The following WDR37 variants were observed in gnomAD, a reference collection of about 807,000 sequenced individuals.
WDR37 encodes WD repeat domain 37.
WDR37 carries 19 observed loss-of-function variants against 62.9 expected under a neutral mutation model. The observed-to-expected ratio is 0.30, with a 90% CI of 0.21 to 0.44. The LOEUF is 0.44. Among genes scored for constraint, WDR37 ranks in the 20% least tolerant of loss-of-function variants. The probability of loss-of-function intolerance (pLI) is 1.00; values close to 1 mark genes in which losing one functional copy is unlikely to be tolerated. For missense variants in WDR37, 474 were observed against 657.6 expected (o/e 0.72, Z 3.05); for synonymous variants, 250 against 260.9 (o/e 0.96, Z 0.40).
At chr10:1,067,285 A>G (rs1371080050) in intron 1 of WDR37, among the ~76,000 whole-genome samples, 1 of 152,230 alleles carries the variant, frequency 6.6e-6, no homozygotes, top group Non-Finnish European at 1.5e-5. Context: ...ACACCTTATA[A>G]AAAGGTCAGT....
intron 2 of WDR37, chr10:1,074,596 T>G: frequency 8.6e-7 from 1 of 1,160,348 alleles, no homozygotes; most frequent in Non-Finnish European, 1.2e-6. Context: ...GCCTTCCCCC[T>G]GCCGTGGGCG....
chr10:1,104,302 G>A (rs971991162), intron 10 of WDR37, among the ~76,000 whole-genome samples: 3 of 152,192 alleles, frequency 2.0e-5, no homozygotes, highest in Non-Finnish European at 4.4e-5. Context: ...GCTCCTTCTT[G>A]CGTCTGGAGT....
rs559894127 is a variant in WDR37, at chr10:1,081,742, G to C, written c.396+1266G>C. Among the ~76,000 whole-genome samples, 4 of 152,120 alleles carry C rather than the reference G, an allele frequency of 2.6e-5. No homozygotes were observed. The East Asian group carries it at 7.7e-4, about 29-fold the overall frequency. ...AAGCTTTTTCTTCATAATGAAGTGT[G>C]AAATTATGTTCTTCCTCATTTAATT... On this transcript the variant is annotated intron_variant, in intron 5 of 13. Coordinates refer to ENST00000263150, the MANE Select transcript of WDR37 (RefSeq NM_014023.4).
At chr10:1,060,594 C>T (rs1395943514) in intron 1 of WDR37, among the ~76,000 whole-genome samples, 5 of 152,102 alleles carry the variant, frequency 3.3e-5, no homozygotes, top group African/African-American at 4.8e-5. Flanking sequence ...TTTCTCTTTG[C>T]TTGTATTTAG....
At chr10:1,107,337 T>C (rs1248325224) in intron 11 of WDR37, among the ~76,000 whole-genome samples, 3 of 152,240 alleles carry the variant, frequency 2.0e-5, no homozygotes, top group African/African-American at 7.2e-5. Flanking sequence ...ACTGCCCTGC[T>C]GTTTCTCATG....
rs1212505216 is a variant in WDR37, at chr10:1,129,503, A to G, written c.*159A>G. On this transcript the variant is annotated 3_prime_UTR_variant, in exon 14 of 14. Transcript: ENST00000263150. ...ATAGTGCCCAGCTTGCATGAAATGT[A>G]CAGAGAAATGTGTGGTCGTATTTTT... The G allele has an allele frequency of 2.7e-6, 3 of 1,128,224 alleles. No individual in the cohort carries two copies. The highest frequency in any genetic ancestry group is 1.7e-5 in the South Asian group (1 of 60,074). 69.9% of individuals were successfully genotyped at this position (1,128,224 alleles called of 1,614,324 possible). A position where few individuals can be genotyped will look rare whatever the true frequency, so the allele number is the denominator to read the frequency against.
chr10:1,061,041 A>G (rs1833356231), intron 1 of WDR37, among the ~76,000 whole-genome samples: 1 of 152,172 alleles, frequency 6.6e-6, no homozygotes, highest in African/African-American at 2.4e-5. Context: ...ACCTGTCCCC[A>G]TCCTTAAGTG....
chr10:1,079,002 T>G (rs1324619086), intron 3 of WDR37, among the ~76,000 whole-genome samples: 1 of 152,230 alleles, frequency 6.6e-6, no homozygotes. Context: ...AAACTTTGCT[T>G]TTGGAAATTT....
Position 1,105,714 on chromosome 10 carries a change from G to A in WDR37, c.1103+447G>A, listed in dbSNP as rs376576882. On this transcript the variant is annotated intron_variant, in intron 11 of 13. Transcript: ENST00000263150. The surrounding 1 kb of genome is among the most constrained non-coding windows in gnomAD (Gnocchi z 5.3). The stretch of plus-strand genomic sequence containing the variant: ...TCTGGGAGAAGGTATACACATAGAC[G>A]CGCAAACACAGACATAGACCCTCAA... Among the ~76,000 whole-genome samples the A allele has an allele frequency of 3.3e-5, 5 of 152,098 alleles. No individual in the cohort carries two copies. In the South Asian group the frequency reaches 6.2e-4, roughly 19 times the overall value.
Position 1,105,006 on chromosome 10 carries a change from C to T in WDR37, c.962-120C>T. ...GTGACCCACATGCTGCTGAGTGATT[C>T]CATTAGGTCAGGTTCACAGTCTCAG... On this transcript the variant is annotated intron_variant, in intron 10 of 13. Transcript: ENST00000263150. The surrounding 1 kb of genome is among the most constrained non-coding windows in gnomAD (Gnocchi z 5.3). 1 of 1,235,724 alleles carries T rather than the reference C, an allele frequency of 8.1e-7. No homozygotes were observed. The highest frequency in any genetic ancestry group is 1.5e-5 in the African/African-American group (1 of 66,762). The allele number at this position is 1,235,724 out of a possible 1,614,324, so 76.5% of individuals were successfully genotyped here.
In WDR37 at chr10:1,121,274, T is replaced by C. The variant is rs1005683755; in HGVS notation, c.1104-2944T>C. On this transcript the variant is annotated intron_variant, in intron 11 of 13. Coordinates refer to ENST00000263150, the MANE Select transcript of WDR37 (RefSeq NM_014023.4). The surrounding 1 kb of genome is among the most constrained non-coding windows in gnomAD (Gnocchi z 4.5). ...TTGTTGAGCCTTTTTTCCTATTAATTTAGCAGAATGTTCACTGAAACTTAA... is the reference window on the plus strand; with the variant it reads ...TTGTTGAGCCTTTTTTCCTATTAATCTAGCAGAATGTTCACTGAAACTTAA... Among the ~76,000 whole-genome samples the C allele has an allele frequency of 3.9e-5, 6 of 152,206 alleles. No homozygotes were observed. Among genetic ancestry groups the C allele is most frequent in the African/African-American group, 1.4e-4 (6 of 41,434 alleles).
At chr10:1,071,388 GAT>G (rs1833722021) in intron 1 of WDR37, among the ~76,000 whole-genome samples, 1 of 152,178 alleles carries the variant, frequency 6.6e-6, no homozygotes, top group African/African-American at 2.4e-5. Context: ...GAAGAAAGAA[GAT>G]ATGTGTGTAA....
intron 1 of WDR37, among the ~76,000 whole-genome samples, chr10:1,066,463 G>T (rs1027461007): frequency 5.3e-5 from 8 of 152,142 alleles, no homozygotes; most frequent in Non-Finnish European, 1.2e-4. Flanking sequence ...AGGAAAGTAA[G>T]ATCTAAATAA....
intron 7 of WDR37, among the ~76,000 whole-genome samples, chr10:1,090,901 C>T (rs1210443259): frequency 6.6e-6 from 1 of 152,190 alleles, no homozygotes; most frequent in Non-Finnish European, 1.5e-5. Context: ...TGCTGCTGCG[C>T]CTTTAAATCA....
intron 3 of WDR37, among the ~76,000 whole-genome samples, chr10:1,079,541 C>CT (rs944071163): frequency 4.6e-4 from 67 of 144,700 alleles, no homozygotes; most frequent in South Asian, 2.4e-3. Context: ...TTCTTTCTTT[C>CT]TTTTTTTTTT....
chr10:1,102,468 A>G (rs1422499044), intron 9 of WDR37, among the ~76,000 whole-genome samples: 5 of 152,238 alleles, frequency 3.3e-5, no homozygotes, highest in Non-Finnish European at 7.3e-5. Context: ...GCTGTACAGG[A>G]AGCGTGGCAC....
intron 7 of WDR37, among the ~76,000 whole-genome samples, chr10:1,090,615 AC>A (rs1258778864): frequency 6.8e-6 from 1 of 147,494 alleles, no homozygotes; most frequent in Admixed American, 6.8e-5. Context: ...CCAACAGCAG[AC>A]TCCCCGCTCT....
chr10:1,059,433 C>T (rs1431126624), intron 1 of WDR37, among the ~76,000 whole-genome samples: 1 of 151,964 alleles, frequency 6.6e-6, no homozygotes. Flanking sequence ...ATGTTATCTG[C>T]CTTCCTCAAA....
At chr10:1,112,897 A>G (rs1444614041) in intron 11 of WDR37, among the ~76,000 whole-genome samples, 1 of 152,248 alleles carries the variant, frequency 6.6e-6, no homozygotes, top group African/African-American at 2.4e-5. Flanking sequence ...TGCAAGGTGA[A>G]GCAGCAAGTG....
Sources: gnomAD v4.1 joint callset for allele counts (sites outside exome capture counted in the v4.1 genomes callset) on GRCh38, gnomAD v4.1.1 for gene constraint, Gnocchi (gnomAD v3.1) non-coding constraint, MANE v1.5 for transcripts, NCBI Gene and HGNC (gene_info 2026-07-23, HGNC 2026-07-21) for gene names.